Variants in MYLK observed in about 807,000 individuals in gnomAD.
The protein encoded by MYLK is myosin light chain kinase, smooth muscle.
MYLK carries 106 observed loss-of-function variants against 203.4 expected under a neutral mutation model. The observed-to-expected ratio is 0.52, with a 90% CI of 0.45 to 0.61. The LOEUF is 0.61. Ranked by LOEUF, MYLK falls within the 20% of genes least tolerant of loss-of-function variation. The probability of loss-of-function intolerance (pLI) is 0.00; values close to 1 mark genes in which losing one functional copy is unlikely to be tolerated. For missense variants in MYLK, 2,072 were observed against 2,442.3 expected (o/e 0.85, Z 3.20); for synonymous variants, 867 against 959.5 (o/e 0.90, Z 1.78).
chr3:123,843,597 C>T (rs1016207217), intron 2 of MYLK, among the ~76,000 whole-genome samples: 5 of 152,184 alleles, frequency 3.3e-5, no homozygotes, highest in Non-Finnish European at 1.5e-5. Flanking sequence ...AGAGATGCCT[C>T]CAACTTCTGA....
At chr3:123,858,576 G>C (rs560053767) in intron 2 of MYLK, among the ~76,000 whole-genome samples, 52 of 152,180 alleles carry the variant, frequency 3.4e-4, no homozygotes, top group Middle Eastern at 3.4e-3. Flanking sequence ...CTAGCTCAAG[G>C]CTCTCTTCCT....
At chr3:123,774,614 T>A (rs924517872) in intron 4 of MYLK, among the ~76,000 whole-genome samples, 1 of 152,192 alleles carries the variant, frequency 6.6e-6, no homozygotes, top group East Asian at 1.9e-4. Flanking sequence ...AAGTTCCAAG[T>A]ATCAAAAAGT....
intron 20 of MYLK, among the ~76,000 whole-genome samples, chr3:123,673,457 C>G (rs1374814308): frequency 6.6e-6 from 1 of 152,060 alleles, no homozygotes; most frequent in African/African-American, 2.4e-5. Context: ...CTCCCCCGCT[C>G]TCTGAAACAA....
intron 30 of MYLK, among the ~76,000 whole-genome samples, chr3:123,628,109 T>C (rs1360663889): frequency 6.6e-6 from 1 of 152,198 alleles, no homozygotes; most frequent in African/African-American, 2.4e-5. Context: ...TCAGTTCTCC[T>C]TGGGTCATGC....
At chr3:123,803,613 G>A (rs555672302) in intron 3 of MYLK, among the ~76,000 whole-genome samples, 148 of 152,336 alleles carry the variant, frequency 9.7e-4, no homozygotes, top group Non-Finnish European at 1.7e-3. Flanking sequence ...AGTAGGAAAG[G>A]TTCCAGCAGG....
At chr3:123,659,095 G>C (rs2059482556) in intron 23 of MYLK, among the ~76,000 whole-genome samples, 1 of 152,108 alleles carries the variant, frequency 6.6e-6, no homozygotes, top group African/African-American at 2.4e-5. Context: ...AAACATTTCT[G>C]GTTTTGGCTA....
chr3:123,773,911 G>A (rs1447867025), intron 4 of MYLK, among the ~76,000 whole-genome samples: 5 of 152,220 alleles, frequency 3.3e-5, no homozygotes, highest in African/African-American at 1.2e-4. Flanking sequence ...CTGACTGGTG[G>A]CCTGGCAAAC....
Position 123,669,218 on chromosome 3 carries a change from GC to G in MYLK, c.3653-2032del, listed in dbSNP as rs2059831992. Among the ~76,000 whole-genome samples the G allele has an allele frequency of 9.2e-5, 14 of 152,314 alleles. No homozygotes were observed. In the South Asian group the frequency reaches 2.9e-3, roughly 32 times the overall value. On this transcript the variant is annotated intron_variant, in intron 20 of 33. Coordinates refer to ENST00000360304, the MANE Select transcript of MYLK (RefSeq NM_053025.4). ...CTGTGTGGTTAAGCCCAGGATGAGG[GC>G]TTCCACCAGGTTCCCTCTGGCTCAT... is the stretch of plus-strand genomic sequence containing the variant.
chr3:123,799,722 C>T (rs1431230703), intron 3 of MYLK: 1 of 152,416 alleles, frequency 6.6e-6, no homozygotes. Context: ...GACAAGTTCT[C>T]TAATCACTCC....
rs922284033 is a variant in MYLK, at chr3:123,847,666, G to T, written c.-126-15996C>A. 2.6e-5 allele frequency among the ~76,000 whole-genome samples: 4 copies of T among 152,018 alleles called. No individual in the cohort carries two copies. In the East Asian group the frequency reaches 5.8e-4, roughly 22 times the overall value. ...ACTAATGTTTTTTCTGTATGTAATA[G>T]ATTATAGGCATTATTAATCTGTTAA... On this transcript the variant is annotated intron_variant, in intron 2 of 33. Coordinates refer to ENST00000360304, the MANE Select transcript of MYLK (RefSeq NM_053025.4).
intron 29 of MYLK, among the ~76,000 whole-genome samples, chr3:123,634,748 C>G (rs149507504): frequency 6.4e-4 from 97 of 152,192 alleles, no homozygotes; most frequent in African/African-American, 2.2e-3. Flanking sequence ...CCACAGGCAG[C>G]AAGGAAGTAC....
chr3:123,634,108 C>T (rs2058546988), intron 29 of MYLK, among the ~76,000 whole-genome samples: 1 of 152,188 alleles, frequency 6.6e-6, no homozygotes, highest in African/African-American at 2.4e-5. Flanking sequence ...CCATATTAGC[C>T]ATCTGATACT....
chr3:123,741,408 A>C (rs1216949550), intron 5 of MYLK, among the ~76,000 whole-genome samples: 1 of 152,214 alleles, frequency 6.6e-6, no homozygotes, highest in African/African-American at 2.4e-5. Context: ...TCTAGTTTTC[A>C]TTCCTGAAAG....
At chr3:123,722,332 C>T (rs820356) in intron 12 of MYLK, 52 bp from the exon 13 acceptor site, 1,479,166 of 1,543,886 alleles carry the variant, frequency 0.96, 717,877 homozygotes, top group Non-Finnish European at 0.99. Context: ...GCAGTAGGGA[C>T]GGGAGCCCTG....
At chr3:123,627,042 C>T in intron 30 of MYLK, 101 bp from the exon 31 acceptor site, 2 of 1,386,326 alleles carry the variant, frequency 1.4e-6, no homozygotes, top group East Asian at 2.3e-5. Context: ...GTCATGAGGG[C>T]AGAGCCCAGG....
Position 123,700,175 on chromosome 3 carries a change from G to A in MYLK, c.3293C>T (p.Pro1098Leu). The change falls in exon 18 of 34, where the codon CCA (proline) becomes CTA (leucine). Residue 1098 changes from proline to leucine, a missense_variant. This residue lies in a region of MYLK where 865 missense variants were observed against 1,016.0 expected (regional missense o/e 0.85). Transcript: ENST00000360304. ...ATCTTGCAGCTTCTGCTTGAAGGCT[G>A]GGGCTGTCCCCTGGCTCTCTGATCT... ...EKRSESQGTAPAFKQKLQDVH... is the reference protein window; with the variant it reads ...EKRSESQGTALAFKQKLQDVH... 6.2e-7 allele frequency: 1 copy of A among 1,613,900 alleles called. No individual in the cohort carries two copies. The highest frequency in any genetic ancestry group is 2.2e-5 in the East Asian group (1 of 44,836).
At chr3:123,669,664 T>A (rs1461938179) in intron 20 of MYLK, among the ~76,000 whole-genome samples, 1 of 152,134 alleles carries the variant, frequency 6.6e-6, no homozygotes, top group East Asian at 1.9e-4. Context: ...TATATGTGTG[T>A]GTATATATAC....
At chr3:123,763,307 A>G (rs947917400) in intron 4 of MYLK, among the ~76,000 whole-genome samples, 1 of 152,174 alleles carries the variant, frequency 6.6e-6, no homozygotes, top group African/African-American at 2.4e-5. Flanking sequence ...CCCTCCCGGA[A>G]CATTTTGTCA....
At chr3:123,805,874 A>G (rs1172619841) in intron 3 of MYLK, among the ~76,000 whole-genome samples, 1 of 152,246 alleles carries the variant, frequency 6.6e-6, no homozygotes, top group African/African-American at 2.4e-5. Flanking sequence ...GATACTCAAA[A>G]TACTCAATAC....
Sources: gnomAD v4.1 joint callset for allele counts (sites outside exome capture counted in the v4.1 genomes callset) on GRCh38, gnomAD v4.1.1 for gene constraint, gnomAD v4.1.1 regional missense constraint, MANE v1.5 for transcripts, NCBI Gene and HGNC (gene_info 2026-07-23, HGNC 2026-07-21) for gene names.